The following MLYCD variants were observed in gnomAD, a reference collection of about 807,000 sequenced individuals.
MLYCD encodes the protein malonyl-CoA decarboxylase, mitochondrial.
Under a neutral mutation model 35.8 loss-of-function variants are expected in MLYCD, and 27 were observed. The observed-to-expected ratio is 0.75, with a 90% CI of 0.56 to 1.04. The LOEUF (loss-of-function observed/expected upper bound fraction) is 1.04. MLYCD is among the 50% of genes least tolerant of loss of function. The pLI, the probability that MLYCD is intolerant of heterozygous loss-of-function variation, is 0.00. For missense variants in MLYCD, 917 were observed against 665.1 expected, an observed-to-expected ratio of 1.38 and a Z score of -4.17; for synonymous variants, 403 against 302.4, an observed-to-expected ratio of 1.33 and a Z score of -3.45.
intron 2 of MLYCD, among the ~76,000 whole-genome samples, chr16:83,907,779 G>A (rs190488302): frequency 2.0e-5 from 3 of 152,252 alleles, no homozygotes; most frequent in Admixed American, 6.5e-5. Flanking sequence ...CAGCACTGAC[G>A]GCTTCACAGA....
At position 83,924,802 on chromosome 16, in the gene MLYCD, G is replaced by T. The variant is rs776849325; in HGVS notation, c.*9313G>T. 5.3e-5 allele frequency: 8 copies of T among 152,136 alleles called. No homozygotes were observed. The highest frequency in any genetic ancestry group is 1.9e-4 in the East Asian group (1 of 5,162). 9.4% of individuals were successfully genotyped at this position (152,136 alleles called of 1,614,324 possible). On this transcript the variant is annotated 3_prime_UTR_variant, in exon 5 of 5. Coordinates refer to ENST00000262430, the MANE Select transcript of MLYCD (RefSeq NM_012213.3). The stretch of plus-strand genomic sequence containing the variant: ...GAGGCCCCCGGTGACCTCCTAGGGG[G>T]TACATCCAGCCAGGTTCCCCCTCAG...
Position 83,919,195 on chromosome 16 carries a change from C to T in MLYCD, c.*3706C>T, listed in dbSNP as rs1471052533. ...CACGGTGCACAGGAGAATTCACACA[C>T]AATGCACAGGAGAACACAGTGCACA... On this transcript the variant is annotated 3_prime_UTR_variant, in exon 5 of 5. Transcript: ENST00000262430. 1 of 144,686 alleles carries T rather than the reference C, an allele frequency of 6.9e-6. No homozygotes were observed. Among genetic ancestry groups the T allele is most frequent in the Admixed American group, 6.9e-5 (1 of 14,526 alleles). The allele number at this position is 144,686 out of a possible 1,614,324, so 9.0% of individuals were successfully genotyped here. A position where few individuals can be genotyped will look rare whatever the true frequency, so the allele number is the denominator to read the frequency against.
rs773696982 is a variant in MLYCD, at chr16:83,920,367, C to T, written c.*4878C>T. ...CATCTCACCAGGCTGAGGTCGCTGC[C>T]TGTGAACAGTTGACAGACCTAAAGC... On this transcript the variant is annotated 3_prime_UTR_variant, in exon 5 of 5. Coordinates refer to ENST00000262430, the MANE Select transcript of MLYCD (RefSeq NM_012213.3). The T allele has an allele frequency of 2.6e-5, 4 of 152,226 alleles. No homozygotes were observed. Among genetic ancestry groups the T allele is most frequent in the Non-Finnish European group, 5.9e-5 (4 of 68,058 alleles). The allele number at this position is 152,226 out of a possible 1,614,324, so 9.4% of individuals were successfully genotyped here.
chr16:83,905,548 C>G (rs920079605), intron 1 of MLYCD, among the ~76,000 whole-genome samples: 1 of 152,176 alleles, frequency 6.6e-6, no homozygotes, highest in African/African-American at 2.4e-5. Flanking sequence ...CCGAGAAAAA[C>G]CTTCATCTCC....
chr16:83,906,557 C>T (rs1006631345), intron 1 of MLYCD, among the ~76,000 whole-genome samples: 4 of 152,142 alleles, frequency 2.6e-5, no homozygotes, highest in African/African-American at 9.7e-5. Flanking sequence ...AATGTTTTGA[C>T]GTATCAAAGA....
Position 83,916,694 on chromosome 16 carries a change from A to C in MLYCD, c.*1205A>C, listed in dbSNP as rs536494901. The stretch of plus-strand genomic sequence containing the variant: ...TCAGTGCACGTCTGTGTGCGTGTGC[A>C]CGAGCGTCTCTGTGTGTATCAGTGC... On this transcript the variant is annotated 3_prime_UTR_variant, in exon 5 of 5. Coordinates refer to ENST00000262430, the MANE Select transcript of MLYCD (RefSeq NM_012213.3). 23 of 120,932 alleles carry C rather than the reference A, an allele frequency of 1.9e-4. No individual in the cohort carries two copies. Among genetic ancestry groups the C allele is most frequent in the South Asian group, 3.0e-4 (1 of 3,382 alleles). The allele number at this position is 120,932 out of a possible 1,614,324, so 7.5% of individuals were successfully genotyped here.
intron 1 of MLYCD, among the ~76,000 whole-genome samples, chr16:83,903,949 TGCC>T (rs1906885810): frequency 6.6e-6 from 1 of 152,176 alleles, no homozygotes; most frequent in Non-Finnish European, 1.5e-5. Context: ...CTGGCAACGT[TGCC>T]GCGTGCTGTG....
In MLYCD at chr16:83,899,186, C is replaced by G; in HGVS notation, c.42C>G (p.Leu14=). Residue 14 remains leucine (L), a synonymous_variant, in exon 1 of 5, where the codon CTC becomes CTG. Transcript: ENST00000262430. ...FGPGLTARRL[L]PLRLPPRPPG... is the part of the protein sequence containing the mutation. ...CAGGCTTGACGGCCAGGCGTCTCCT[C>G]CCGCTGCGGTTGCCCCCGCGGCCGC... is the stretch of plus-strand genomic sequence containing the variant. The G allele has an allele frequency of 8.5e-7, 1 of 1,172,608 alleles. No individual in the cohort carries two copies. Among genetic ancestry groups the G allele is most frequent in the South Asian group, 3.4e-5 (1 of 29,338 alleles). 72.6% of individuals were successfully genotyped at this position (1,172,608 alleles called of 1,614,324 possible).
chr16:83,915,705 C>A lies in MLYCD; in HGVS notation c.*216C>A, dbSNP rs1907360146. The stretch of plus-strand genomic sequence containing the variant: ...CAAGACGGTTGTGGGTGCGGGTGCA[C>A]ACAAATGAGTGGGTTGCTGTGCTGT... On this transcript the variant is annotated 3_prime_UTR_variant, in exon 5 of 5. Coordinates refer to ENST00000262430, the MANE Select transcript of MLYCD (RefSeq NM_012213.3). 18 of 1,441,334 alleles carry A rather than the reference C, an allele frequency of 1.2e-5. No individual in the cohort carries two copies. The highest frequency in any genetic ancestry group is 1.6e-5 in the Non-Finnish European group (18 of 1,097,886). 89.3% of individuals were successfully genotyped at this position (1,441,334 alleles called of 1,614,324 possible).
Position 83,915,561 on chromosome 16 carries a change from G to A in MLYCD, c.*72G>A. ...ATTTTCAGGAGGGGCCGGGAGTTAT[G>A]TATCTGAAGCAGCTTTCCAAGCAAA... On this transcript the variant is annotated 3_prime_UTR_variant, in exon 5 of 5. Transcript: ENST00000262430. 1 of 1,576,726 alleles carries A rather than the reference G, an allele frequency of 6.3e-7. No homozygotes were observed. The highest frequency in any genetic ancestry group is 1.1e-5 in the South Asian group (1 of 87,772).
intron 3 of MLYCD, among the ~76,000 whole-genome samples, chr16:83,910,535 C>T (rs1270600325): frequency 6.6e-6 from 1 of 151,884 alleles, no homozygotes; most frequent in Non-Finnish European, 1.5e-5. Flanking sequence ...ACTAAAAATA[C>T]AAAAATTAGC....
intron 4 of MLYCD, 137 bp downstream of exon 4, chr16:83,912,504 GC>G: frequency 8.2e-7 from 1 of 1,220,098 alleles, no homozygotes; most frequent in Non-Finnish European, 1.2e-6. Flanking sequence ...TAGAAAAGGT[GC>G]CAGAGACCCC....
intron 1 of MLYCD, among the ~76,000 whole-genome samples, chr16:83,901,581 C>G (rs1906787552): frequency 6.6e-6 from 1 of 152,186 alleles, no homozygotes; most frequent in Non-Finnish European, 1.5e-5. Flanking sequence ...TCATTGATTT[C>G]TCACATCCGG....
chr16:83,905,182 C>G (rs1036074130), intron 1 of MLYCD, among the ~76,000 whole-genome samples: 2 of 151,768 alleles, frequency 1.3e-5, no homozygotes, highest in Non-Finnish European at 2.9e-5. Context: ...AGGGTTGCAC[C>G]ACTGCACTCC....
intron 4 of MLYCD, 97 bp from the exon 5 acceptor site, chr16:83,914,859 T>C: frequency 4.6e-6 from 7 of 1,521,012 alleles, no homozygotes; most frequent in Non-Finnish European, 6.4e-6. Flanking sequence ...CACAGCAGCA[T>C]GTGAGCCGTA....
chr16:83,901,558 A>C (rs1283176956), intron 1 of MLYCD, among the ~76,000 whole-genome samples: 5 of 152,182 alleles, frequency 3.3e-5, no homozygotes, highest in Non-Finnish European at 5.9e-5. Context: ...AGACATTTGG[A>C]CAGCTTTGTC....
At chr16:83,903,805 G>A (rs751399172) in intron 1 of MLYCD, among the ~76,000 whole-genome samples, 16 of 152,170 alleles carry the variant, frequency 1.1e-4, no homozygotes, top group Non-Finnish European at 2.2e-4. Context: ...AATCCACTGA[G>A]AACTGTCGCT....
Position 83,915,797 on chromosome 16 carries a change from A to G in MLYCD, c.*308A>G, listed in dbSNP as rs1399040227. ...CCGGGGCTGGTGCTGTGGTACCTACATCTTCAGGAAGCTGTGCAGCCTCTG... is the reference window on the plus strand; with the variant it reads ...CCGGGGCTGGTGCTGTGGTACCTACGTCTTCAGGAAGCTGTGCAGCCTCTG... On this transcript the variant is annotated 3_prime_UTR_variant, in exon 5 of 5. Coordinates refer to ENST00000262430, the MANE Select transcript of MLYCD (RefSeq NM_012213.3). The G allele has an allele frequency of 5.5e-6, 7 of 1,280,192 alleles. No individual in the cohort carries two copies. The Admixed American group carries it at 2.0e-4, about 36-fold the overall frequency. The allele number at this position is 1,280,192 out of a possible 1,614,324, so 79.3% of individuals were successfully genotyped here.
Position 83,921,207 on chromosome 16 carries a change from A to AT in MLYCD, c.*5719dup, listed in dbSNP as rs1021104421. 9 of 146,726 alleles carry AT rather than the reference A, an allele frequency of 6.1e-5. No homozygotes were observed. Among genetic ancestry groups the AT allele is most frequent in the African/African-American group, 2.3e-4 (9 of 39,918 alleles). The allele number at this position is 146,726 out of a possible 1,614,324, so 9.1% of individuals were successfully genotyped here. ...GGAAGGAAGATGGATGGATGGAATG[A>AT]TGGATGGGTGGTAGAGGGTGGATGG... On this transcript the variant is annotated 3_prime_UTR_variant, in exon 5 of 5. Coordinates refer to ENST00000262430, the MANE Select transcript of MLYCD (RefSeq NM_012213.3).
Sources: gnomAD v4.1 joint callset for allele counts (sites outside exome capture counted in the v4.1 genomes callset) on GRCh38, gnomAD v4.1.1 for gene constraint, MANE v1.5 for transcripts, NCBI Gene and HGNC (gene_info 2026-07-23, HGNC 2026-07-21) for gene names.